Variants in IL13RA1 observed in about 807,000 individuals in gnomAD.
IL13RA1 encodes the protein interleukin 13 receptor subunit alpha 1.
Under a neutral mutation model 33.8 loss-of-function variants are expected in IL13RA1, and 14 were observed. The ratio of observed to expected loss-of-function variants is 0.41; its 90% CI spans 0.27 to 0.65. The LOEUF is 0.65. Among genes scored for constraint, IL13RA1 ranks in the 30% least tolerant of loss-of-function variants. The pLI is 0.28. For missense variants in IL13RA1, 313 were observed against 327.0 expected (o/e 0.96, Z 0.33); for synonymous variants, 116 against 115.7 (o/e 1.00, Z -0.02).
intron 1 of IL13RA1, among the ~76,000 whole-genome samples, chrX:118,730,719 CTA>C (rs2017207335): frequency 8.9e-6 from 1 of 111,971 alleles, no homozygotes; most frequent in Non-Finnish European, 1.9e-5. Context: ...GAGTGTGAAG[CTA>C]CATAAGAATC....
rs1203214138 is a variant in IL13RA1, at chrX:118,792,882, C to T, written c.*1028C>T. ...GGTATTAGAGTTTCAACCATGAAGTCTCTAACAATGTATTTTCTTCACCTC... is the reference window on the plus strand; with the variant it reads ...GGTATTAGAGTTTCAACCATGAAGTTTCTAACAATGTATTTTCTTCACCTC... On this transcript the variant is annotated 3_prime_UTR_variant, in exon 11 of 11. Transcript: ENST00000371666. 1 of 111,326 alleles carries T rather than the reference C, an allele frequency of 9.0e-6. No homozygotes were observed. Among genetic ancestry groups the T allele is most frequent in the African/African-American group, 3.3e-5 (1 of 30,565 alleles). 9.2% of individuals were successfully genotyped at this position (111,326 alleles called of 1,213,427 possible). A position where few individuals can be genotyped will look rare whatever the true frequency, so the allele number is the denominator to read the frequency against.
At chrX:118,739,007 C>T (rs2017314196) in intron 1 of IL13RA1, among the ~76,000 whole-genome samples, 1 of 110,268 alleles carries the variant, frequency 9.1e-6, no homozygotes, top group African/African-American at 3.3e-5. Flanking sequence ...AGGCTGGTCC[C>T]GAACTCATGA....
intron 4 of IL13RA1, among the ~76,000 whole-genome samples, chrX:118,751,884 A>G (rs1359661619): frequency 3.1e-5 from 3 of 96,740 alleles, no homozygotes. Context: ...TCATGGCTAT[A>G]TCATGGAATA....
intron 8 of IL13RA1, among the ~76,000 whole-genome samples, chrX:118,768,354 C>T (rs773973612): frequency 8.0e-5 from 9 of 111,896 alleles, no homozygotes; most frequent in Non-Finnish European, 1.7e-4. Context: ...CACGGCTTAG[C>T]TGGAGGTCTC....
chrX:118,775,953 T>C (rs1321612259), intron 9 of IL13RA1, among the ~76,000 whole-genome samples: 1 of 110,940 alleles, frequency 9.0e-6, no homozygotes, highest in African/African-American at 3.3e-5. Context: ...GGAGTGCTCA[T>C]AAAGTGAATG....
At chrX:118,735,099 CTTT>C (rs2017266514) in intron 1 of IL13RA1, among the ~76,000 whole-genome samples, 1 of 109,882 alleles carries the variant, frequency 9.1e-6, no homozygotes, top group African/African-American at 3.3e-5. Context: ...TCTTATAACC[CTTT>C]TTATTTCTCT....
chrX:118,788,132 A>G (rs1312271164), intron 10 of IL13RA1, among the ~76,000 whole-genome samples: 1 of 112,430 alleles, frequency 8.9e-6, no homozygotes, highest in Admixed American at 9.5e-5. Flanking sequence ...GAGAACTAAT[A>G]AATGTCCATG....
At position 118,794,366 on chromosome X, in the gene IL13RA1, A is replaced by C. The variant is rs895117433; in HGVS notation, c.*2512A>C. ...ATACCTAAGCAAACCCAGTGTCAGGATGGTAATTCTTATTCTTTCGTTCAG... is the reference window on the plus strand; with the variant it reads ...ATACCTAAGCAAACCCAGTGTCAGGCTGGTAATTCTTATTCTTTCGTTCAG... On this transcript the variant is annotated 3_prime_UTR_variant, in exon 11 of 11. Coordinates refer to ENST00000371666, the MANE Select transcript of IL13RA1 (RefSeq NM_001560.3). 1.8e-5 allele frequency: 2 copies of C among 112,201 alleles called. No homozygotes were observed. Among genetic ancestry groups the C allele is most frequent in the African/African-American group, 6.5e-5 (2 of 30,745 alleles). 9.2% of individuals were successfully genotyped at this position (112,201 alleles called of 1,213,427 possible). A position where few individuals can be genotyped will look rare whatever the true frequency, so the allele number is the denominator to read the frequency against.
rs777449257 is a variant in IL13RA1, at chrX:118,742,834, CAG to C, written c.228+1681_228+1682del. 3.2e-3 allele frequency among the ~76,000 whole-genome samples: 351 copies of C among 111,384 alleles called. 1 individual carries two copies. The highest frequency in any genetic ancestry group is 0.011 in the African/African-American group (337 of 30,646). ...GATGAGGTTTGTAATGCACCTGACACAGAGTTAGTGCTAGGTAATTGTTAGCT... is the reference window on the plus strand; with the variant it reads ...GATGAGGTTTGTAATGCACCTGACACAGTTAGTGCTAGGTAATTGTTAGCT... On this transcript the variant is annotated intron_variant, in intron 2 of 10. Transcript: ENST00000371666.
chrX:118,789,173 T>C (rs553451019), intron 10 of IL13RA1, among the ~76,000 whole-genome samples: 1 of 112,354 alleles, frequency 8.9e-6, no homozygotes, highest in Non-Finnish European at 1.9e-5. Flanking sequence ...CAATGAAATA[T>C]TATGTAGAGG....
chrX:118,788,029 T>A (rs1188291954), intron 10 of IL13RA1, among the ~76,000 whole-genome samples: 1 of 112,013 alleles, frequency 8.9e-6, no homozygotes, highest in Non-Finnish European at 1.9e-5. Flanking sequence ...GAGTATTGAT[T>A]GGGGAAGTGA....
At chrX:118,799,185 C>T (rs1199466907), downstream of IL13RA1, among the ~76,000 whole-genome samples, 1 of 113,460 alleles carries the variant, frequency 8.8e-6, no homozygotes, top group East Asian at 2.8e-4. Flanking sequence ...GCCTTAGCTG[C>T]CTTCCCGCGG....
downstream of IL13RA1, among the ~76,000 whole-genome samples, chrX:118,796,856 T>C (rs59508367): frequency 3.8e-4 from 43 of 112,890 alleles, no homozygotes; most frequent in East Asian, 0.011. Context: ...TTTAAGAGAT[T>C]CATTTGTGCA....
intron 9 of IL13RA1, among the ~76,000 whole-genome samples, chrX:118,775,105 T>C (rs1006751208): frequency 4.5e-5 from 5 of 111,158 alleles, no homozygotes; most frequent in Admixed American, 9.6e-5. Context: ...TAGGAGGTGA[T>C]AGGAGGTGCA....
At chrX:118,753,128 T>C (rs1364408050) in intron 4 of IL13RA1, among the ~76,000 whole-genome samples, 1 of 112,337 alleles carries the variant, frequency 8.9e-6, no homozygotes, top group African/African-American at 3.2e-5. Flanking sequence ...TCTCATTCCA[T>C]GGCAGACTGG....
At chrX:118,729,175 A>G (rs2017188579) in intron 1 of IL13RA1, among the ~76,000 whole-genome samples, 1 of 111,206 alleles carries the variant, frequency 9.0e-6, no homozygotes, top group South Asian at 3.8e-4. Flanking sequence ...TACCCGTCTC[A>G]TTAGTCTCCT....
At chrX:118,773,494 A>G (rs1033746526) in intron 8 of IL13RA1, among the ~76,000 whole-genome samples, 6 of 111,723 alleles carry the variant, frequency 5.4e-5, no homozygotes, top group African/African-American at 9.8e-5. Flanking sequence ...CTCTGTCTCA[A>G]AACAAACAAA....
chrX:118,789,017 A>G (rs754378052), intron 10 of IL13RA1, among the ~76,000 whole-genome samples: 4 of 112,225 alleles, frequency 3.6e-5, no homozygotes, highest in African/African-American at 6.5e-5. Context: ...ATATAGTGCA[A>G]ATATTCCAAA....
chrX:118,797,388 G>C (rs759635521), downstream of IL13RA1, among the ~76,000 whole-genome samples: 1 of 112,275 alleles, frequency 8.9e-6, no homozygotes, highest in East Asian at 2.8e-4. Flanking sequence ...GATGAAACCT[G>C]TGGTCTACCC....
Sources: allele counts gnomAD v4.1 joint callset (sites outside exome capture counted in the v4.1 genomes callset), GRCh38; gene constraint gnomAD v4.1.1; transcripts MANE v1.5; gene names NCBI Gene and HGNC (gene_info 2026-07-23, HGNC 2026-07-21).